TTLL11: variants seen among roughly 807,000 people sequenced by gnomAD.
TTLL11 encodes the protein tubulin tyrosine ligase like 11, also known as tubulin polyglutamylase TTLL11.
In TTLL11, 42 loss-of-function variants were observed where a neutral mutation model predicts 51.7. That is an observed-to-expected ratio of 0.81 (90% CI 0.64 to 1.05). The LOEUF (loss-of-function observed/expected upper bound fraction) is 1.05, where lower values mean the gene tolerates loss of function less well. Among genes scored for constraint, TTLL11 ranks in the 50% least tolerant of loss-of-function variants. The probability of loss-of-function intolerance (pLI) is 0.00; values close to 1 mark genes in which losing one functional copy is unlikely to be tolerated. For missense variants in TTLL11, 799 were observed against 940.4 expected (o/e 0.85, Z 1.97); for synonymous variants, 381 against 383.5 (o/e 0.99, Z 0.08).
intron 7 of TTLL11, among the ~76,000 whole-genome samples, chr9:121,866,086 C>T (rs780525666): frequency 2.6e-5 from 4 of 152,150 alleles, no homozygotes; most frequent in Admixed American, 6.5e-5. Context: ...TGCGTGGGAG[C>T]GCTGAGAGGA....
chr9:121,840,091 CG>C (rs1220218534), intron 8 of TTLL11, among the ~76,000 whole-genome samples: 3 of 144,046 alleles, frequency 2.1e-5, no homozygotes, highest in South Asian at 4.5e-4. Flanking sequence ...GGAGCTGCAT[CG>C]AATCACCCAA....
rs114278625 is a variant in TTLL11, at chr9:121,910,682, C to A, written c.1482-39934G>T. Among the ~76,000 whole-genome samples the A allele has an allele frequency of 9.3e-3, 1,423 of 152,198 alleles. 27 individuals carry two copies. The highest frequency in any genetic ancestry group is 0.031 in the African/African-American group (1,290 of 41,524). On this transcript the variant is annotated intron_variant, in intron 6 of 8. Transcript: ENST00000321582. ...CGAAAATGTTTAGGAAAACATGTCT[C>A]TTTTTTAGGTAATACTTGCTTTTTG...
intron 3 of TTLL11, among the ~76,000 whole-genome samples, chr9:122,029,581 A>G (rs574170190): frequency 1.6e-3 from 250 of 152,352 alleles, no homozygotes; most frequent in African/African-American, 5.9e-3. Context: ...TTTTTTTTGT[A>G]CAGCTGTACA....
At chr9:121,889,016 A>G (rs1248589339) in intron 6 of TTLL11, among the ~76,000 whole-genome samples, 1 of 152,220 alleles carries the variant, frequency 6.6e-6, no homozygotes, top group Non-Finnish European at 1.5e-5. Context: ...ATTTTAGTCC[A>G]GGTCTGTGCT....
intron 7 of TTLL11, among the ~76,000 whole-genome samples, chr9:121,863,627 G>A (rs1278835856): frequency 1.3e-5 from 2 of 152,214 alleles, no homozygotes; most frequent in African/African-American, 2.4e-5. Context: ...CTGGGACAGA[G>A]GAGGGATCCA....
chr9:121,865,606 TG>T (rs1465394386), intron 7 of TTLL11, among the ~76,000 whole-genome samples: 1 of 151,966 alleles, frequency 6.6e-6, no homozygotes, highest in Non-Finnish European at 1.5e-5. Flanking sequence ...GGAAGGAGAA[TG>T]ACAAAAATGC....
At chr9:121,980,819 A>G (rs945081892) in intron 4 of TTLL11, among the ~76,000 whole-genome samples, 12 of 152,364 alleles carry the variant, frequency 7.9e-5, no homozygotes, top group African/African-American at 2.6e-4. Flanking sequence ...GCCATGGAAT[A>G]CTATGCAGCC....
In TTLL11 at chr9:121,820,194, T is replaced by C. The variant is rs1201711119; in HGVS notation, c.*2393A>G. ...ATCACCCCAAACAAGGTGGCTGGAA[T>C]TCAACCTCTTGATTTTATTTTTCAA... On this transcript the variant is annotated 3_prime_UTR_variant, in exon 9 of 9. Transcript: ENST00000321582. Among the ~76,000 whole-genome samples, 1 of 152,262 alleles carries C rather than the reference T, an allele frequency of 6.6e-6. No homozygotes were observed. The highest frequency in any genetic ancestry group is 2.4e-5 in the African/African-American group (1 of 41,468).
At position 121,995,321 on chromosome 9, in the gene TTLL11, C is replaced by T. The variant is rs549831160; in HGVS notation, c.694-5551G>A. Among the ~76,000 whole-genome samples, 60 of 152,246 alleles carry T rather than the reference C, an allele frequency of 3.9e-4. 1 individual carries two copies. The South Asian group carries it at 0.011, about 28-fold the overall frequency. On this transcript the variant is annotated intron_variant, in intron 3 of 8. Transcript: ENST00000321582. The surrounding 1 kb of genome is among the most constrained non-coding windows in gnomAD (Gnocchi z 4.4). The stretch of plus-strand genomic sequence containing the variant: ...TCAACTGGCGAGGGACATGCATCCA[C>T]GCATCACCAGGGCACCCAGGAGGAA...
chr9:122,090,176 C>T (rs755150380), intron 1 of TTLL11, among the ~76,000 whole-genome samples: 7 of 146,896 alleles, frequency 4.8e-5, no homozygotes, highest in Non-Finnish European at 7.6e-5. Flanking sequence ...TACCATTATG[C>T]GGCTACCGAA....
In TTLL11 at chr9:121,822,668, C is replaced by A. The variant is rs1232648802; in HGVS notation, c.2052G>T (p.Ser684=). ...GGGGGTTGTCCCCTGCTGGCTGGGC[C>A]GAGGGGGAGGGCTCCTGGGGAGGGC... is the stretch of plus-strand genomic sequence containing the variant. The part of the protein sequence containing the change: ...HRGPPQEPSP[S]AQPAGDNPPP... The change falls in exon 9 of 9, where the codon TCG becomes TCT. Residue 684 remains serine, a synonymous_variant. Transcript: ENST00000321582. This position sits in a 1 kb window ranked among gnomAD's most constrained non-coding sequence, Gnocchi z 5.8. 1 of 1,519,580 alleles carries A rather than the reference C, an allele frequency of 6.6e-7. No homozygotes were observed. Among genetic ancestry groups the A allele is most frequent in the Admixed American group, 2.0e-5 (1 of 48,824 alleles). The allele number at this position is 1,519,580 out of a possible 1,614,324, so 94.1% of individuals were successfully genotyped here.
intron 6 of TTLL11, among the ~76,000 whole-genome samples, chr9:121,967,223 T>G (rs987272589): frequency 1.0e-5 from 1 of 95,642 alleles, no homozygotes; most frequent in Non-Finnish European, 2.0e-5. Context: ...TTTTTTTTTT[T>G]TTTTTTTTTT....
intron 1 of TTLL11, 26 bp downstream of exon 1, chr9:122,092,661 C>T (rs1564394990): frequency 2.0e-6 from 3 of 1,535,932 alleles, no homozygotes; most frequent in Admixed American, 2.0e-5. Context: ...ACTGTGCCCA[C>T]GCGGCCGGGT....
chr9:121,851,294 CAA>C (rs962422422), intron 8 of TTLL11, among the ~76,000 whole-genome samples: 11 of 152,136 alleles, frequency 7.2e-5, no homozygotes, highest in South Asian at 2.1e-4. Context: ...CTGTACAACA[CAA>C]AGAGTGAACC....
chr9:121,945,979 C>T (rs1215219152), intron 6 of TTLL11, among the ~76,000 whole-genome samples: 1 of 152,160 alleles, frequency 6.6e-6, no homozygotes, highest in Non-Finnish European at 1.5e-5. Context: ...ATAAAAAAAA[C>T]TCTATGTGCC....
chr9:121,898,821 GC>G (rs1270265488), intron 6 of TTLL11, among the ~76,000 whole-genome samples: 1 of 152,098 alleles, frequency 6.6e-6, no homozygotes. Context: ...TAGACTTCAC[GC>G]AACACATCCA....
At chr9:122,017,852 C>T (rs771681935) in intron 3 of TTLL11, among the ~76,000 whole-genome samples, 1 of 151,716 alleles carries the variant, frequency 6.6e-6, no homozygotes, top group Non-Finnish European at 1.5e-5. Context: ...AAAATGAAGG[C>T]TAAAGAAAAG....
intron 6 of TTLL11, among the ~76,000 whole-genome samples, chr9:121,922,129 G>A (rs765355694): frequency 3.3e-5 from 5 of 152,176 alleles, no homozygotes; most frequent in South Asian, 2.1e-4. Context: ...GGACAAACCC[G>A]TTAGGTTGAA....
chr9:122,086,067 A>C (rs1210455896), intron 1 of TTLL11, among the ~76,000 whole-genome samples: 1 of 152,248 alleles, frequency 6.6e-6, no homozygotes, highest in Non-Finnish European at 1.5e-5. Flanking sequence ...ACAAAACCAG[A>C]ATCCAAAACA....
Sources: gnomAD v4.1 joint callset for allele counts (sites outside exome capture counted in the v4.1 genomes callset) on GRCh38, gnomAD v4.1.1 for gene constraint, Gnocchi (gnomAD v3.1) non-coding constraint, MANE v1.5 for transcripts, NCBI Gene and HGNC (gene_info 2026-07-23, HGNC 2026-07-21) for gene names.